The following TMCO6 variants were observed in gnomAD, a reference collection of about 807,000 sequenced individuals.
The protein encoded by TMCO6 is transmembrane and coiled-coil domains 6.
TMCO6 carries 47 observed loss-of-function variants against 61.8 expected under a neutral mutation model. The observed-to-expected ratio is 0.76, with a 90% confidence interval of 0.60 to 0.97. The LOEUF (loss-of-function observed/expected upper bound fraction) is 0.97, where lower values mean the gene tolerates loss of function less well. Ranked by LOEUF, TMCO6 falls within the 50% of genes least tolerant of loss-of-function variation. The probability of loss-of-function intolerance (pLI) is 0.00; values close to 1 mark genes in which losing one functional copy is unlikely to be tolerated. For missense variants in TMCO6, 557 were observed against 601.6 expected (o/e 0.93, Z 0.78); for synonymous variants, 261 against 254.2 (o/e 1.03, Z -0.25).
chr5:140,622,912 C>T, the TMCO6 span, among the ~76,000 whole-genome samples: 1 of 152,098 alleles, frequency 6.6e-6, no homozygotes, highest in African/African-American at 2.4e-5. Flanking sequence ...GAGACTGGGT[C>T]TTGCTGTGTT....
the TMCO6 span, among the ~76,000 whole-genome samples, chr5:140,607,150 C>T: frequency 6.6e-6 from 1 of 152,136 alleles, no homozygotes; most frequent in Admixed American, 6.5e-5. Flanking sequence ...CAATGCTTTT[C>T]ATCATCCTAA....
upstream of TMCO6, among the ~76,000 whole-genome samples, chr5:140,635,087 T>C (rs775821788): frequency 6.6e-6 from 1 of 152,210 alleles, no homozygotes; most frequent in African/African-American, 2.4e-5. Flanking sequence ...CGGCAGAAAG[T>C]CTTTTTTAAA....
chr5:140,643,355 C>G, intron 7 of TMCO6: 1 of 600,568 alleles, frequency 1.7e-6, no homozygotes, highest in Non-Finnish European at 2.9e-6. Flanking sequence ...TGCCACTATG[C>G]CCGGCTAATT....
At chr5:140,600,053 A>G in the TMCO6 span, among the ~76,000 whole-genome samples, 3 of 152,166 alleles carry the variant, frequency 2.0e-5, no homozygotes, top group Non-Finnish European at 4.4e-5. Context: ...GGTATGTTCC[A>G]TCAGAAACAA....
At chr5:140,643,489 G>T (rs1431474449) in intron 7 of TMCO6, 75 bp from the exon 8 acceptor site, 1 of 1,396,796 alleles carries the variant, frequency 7.2e-7, no homozygotes, top group Non-Finnish European at 1.0e-6. Flanking sequence ...AAGCCACCAC[G>T]CCTAGGCAAC....
the TMCO6 span, among the ~76,000 whole-genome samples, chr5:140,624,410 G>T: frequency 1.3e-5 from 2 of 151,946 alleles, no homozygotes; most frequent in East Asian, 1.9e-4. Flanking sequence ...TCAATTTAGT[G>T]GTGTTTATTA....
At chr5:140,640,968 C>G (rs1031165995) in intron 2 of TMCO6, 1 of 153,992 alleles carries the variant, frequency 6.5e-6, no homozygotes, top group African/African-American at 2.4e-5. Context: ...TATATATTAT[C>G]AACTTATTCC....
In TMCO6 at chr5:140,644,680, C is replaced by T. The variant is rs1244632342; in HGVS notation, c.1308C>T (p.Asp436=). The change falls in exon 11 of 12, where the codon GAC becomes GAT. Residue 436 remains aspartate, a synonymous_variant. Transcript: ENST00000394671. ...TGCTGCACACACTAGCCTTTTCTGACACTGAAGTAGTAGGCCAGAGTTTGG... is the reference window on the plus strand; with the variant it reads ...TGCTGCACACACTAGCCTTTTCTGATACTGAAGTAGTAGGCCAGAGTTTGG... ...PALLHTLAFS[D]TEVVGQSLEL... is the part of the protein sequence containing the mutation. The T allele has an allele frequency of 6.2e-7, 1 of 1,614,252 alleles. No homozygotes were observed. Among genetic ancestry groups the T allele is most frequent in the African/African-American group, 1.3e-5 (1 of 75,068 alleles).
the TMCO6 span, among the ~76,000 whole-genome samples, chr5:140,604,046 G>T: frequency 2.0e-5 from 3 of 152,160 alleles, no homozygotes; most frequent in Admixed American, 6.5e-5. Flanking sequence ...TATGGTGAGT[G>T]TGTAGTGATA....
upstream of TMCO6, among the ~76,000 whole-genome samples, chr5:140,634,748 ATTACAGGCGAGAGCCACCACACCCG>A (rs1402491454): frequency 1.3e-5 from 2 of 152,074 alleles, no homozygotes; most frequent in Non-Finnish European, 2.9e-5. Flanking sequence ...AAGTGCTGGG[ATTACAGGCGAGAGCCACCACACCCG>A]GCCTGAAAGT....
chr5:140,599,181 G>A, the TMCO6 span, among the ~76,000 whole-genome samples: 1 of 152,174 alleles, frequency 6.6e-6, no homozygotes, highest in Non-Finnish European at 1.5e-5. Context: ...TCTCTACATT[G>A]CCACAGTATT....
At chr5:140,629,810 A>G in the TMCO6 span, among the ~76,000 whole-genome samples, 2 of 151,622 alleles carry the variant, frequency 1.3e-5, no homozygotes, top group Admixed American at 6.6e-5. Flanking sequence ...GTGCATGCCT[A>G]TAATCCCAGC....
the TMCO6 span, among the ~76,000 whole-genome samples, chr5:140,617,035 C>T: frequency 5.0e-4 from 76 of 150,956 alleles, 1 homozygote; most frequent in Middle Eastern, 6.8e-3. Flanking sequence ...GAAGCCAAAC[C>T]GTCTCAGGCA....
the TMCO6 span, among the ~76,000 whole-genome samples, chr5:140,631,471 T>C: frequency 6.6e-6 from 1 of 152,170 alleles, no homozygotes; most frequent in African/African-American, 2.4e-5. Flanking sequence ...CCAAATATCA[T>C]GCAAATACCT....
downstream of TMCO6, among the ~76,000 whole-genome samples, chr5:140,646,136 G>A (rs1310011910): frequency 6.6e-6 from 1 of 151,426 alleles, no homozygotes; most frequent in African/African-American, 2.4e-5. Context: ...TCAGCCTCCT[G>A]AGTAGCTGGG....
the TMCO6 span, among the ~76,000 whole-genome samples, chr5:140,628,216 T>C: frequency 6.6e-6 from 1 of 151,886 alleles, no homozygotes; most frequent in African/African-American, 2.4e-5. Flanking sequence ...CTATCACAAC[T>C]TACACAGACC....
chr5:140,647,245 C>T (rs375081685), downstream of TMCO6: 6 of 1,539,086 alleles, frequency 3.9e-6, no homozygotes, highest in Non-Finnish European at 4.4e-6. Context: ...CCCCTGGCGT[C>T]CCGCACTCAC....
At chr5:140,605,831 G>T in the TMCO6 span, among the ~76,000 whole-genome samples, 1 of 152,126 alleles carries the variant, frequency 6.6e-6, no homozygotes. Flanking sequence ...GAATTCACCA[G>T]TGAAGCTATC....
upstream of TMCO6, among the ~76,000 whole-genome samples, chr5:140,634,975 T>C (rs1351530221): frequency 2.7e-5 from 4 of 150,706 alleles, no homozygotes; most frequent in East Asian, 7.9e-4. Context: ...AGAGATGGGG[T>C]TTCTCCATGT....
Sources: allele counts gnomAD v4.1 joint callset (sites outside exome capture counted in the v4.1 genomes callset), GRCh38; gene constraint gnomAD v4.1.1; transcripts MANE v1.5; gene names NCBI Gene and HGNC (gene_info 2026-07-23, HGNC 2026-07-21).